Variants in CD81 observed in about 807,000 individuals in gnomAD.
CD81 encodes the protein CD81 antigen.
CD81 carries 10 observed loss-of-function variants against 30.1 expected under a neutral mutation model. That is an observed-to-expected ratio of 0.33 (90% CI 0.21 to 0.56). The LOEUF (loss-of-function observed/expected upper bound fraction) is 0.56, where lower values mean the gene tolerates loss of function less well. Among genes scored for constraint, CD81 ranks in the 20% least tolerant of loss-of-function variants. The pLI, the probability that CD81 is intolerant of heterozygous loss-of-function variation, is 0.89. For missense variants in CD81, 263 were observed against 308.7 expected, an observed-to-expected ratio of 0.85 and a Z score of 1.11; for synonymous variants, 147 against 126.4, an observed-to-expected ratio of 1.16 and a Z score of -1.10.
intron 6 of CD81, chr11:2,396,422 G>A (rs992508533): frequency 9.6e-6 from 6 of 623,858 alleles, no homozygotes; most frequent in African/African-American, 3.7e-5. Context: ...CAGGCATTTC[G>A]CGTTTATGTT....
intron 5 of CD81, 56 bp from the exon 6 acceptor site, chr11:2,395,813 A>G (rs1274402392): frequency 1.3e-5 from 16 of 1,225,804 alleles, no homozygotes; most frequent in Middle Eastern, 1.9e-4. Flanking sequence ...GGTTCCCTAG[A>G]GCCACCGTCC....
chr11:2,389,991 T>G, intron 1 of CD81: 1 of 347,482 alleles, frequency 2.9e-6, no homozygotes, highest in African/African-American at 2.1e-5. Context: ...TCTGGCCAGA[T>G]ACGGAAGGTG....
chr11:2,382,005 TG>T (rs2133443037), intron 1 of CD81, among the ~76,000 whole-genome samples: 1 of 152,314 alleles, frequency 6.6e-6, no homozygotes, highest in East Asian at 1.9e-4. Context: ...CCCCCCAACC[TG>T]GGCTGCAGAG....
chr11:2,380,288 T>C (rs554466404), intron 1 of CD81, among the ~76,000 whole-genome samples: 5 of 152,138 alleles, frequency 3.3e-5, no homozygotes, highest in African/African-American at 1.2e-4. Flanking sequence ...AATGGATATC[T>C]GGGTGGGGCA....
intron 1 of CD81, among the ~76,000 whole-genome samples, chr11:2,383,790 C>T (rs535513363): frequency 1.3e-5 from 2 of 152,376 alleles, no homozygotes; most frequent in South Asian, 4.1e-4. Flanking sequence ...TCGTCCCCCA[C>T]TGGGGTGCCT....
intron 1 of CD81, among the ~76,000 whole-genome samples, chr11:2,388,971 G>C (rs1457371985): frequency 1.3e-5 from 2 of 152,184 alleles, no homozygotes; most frequent in African/African-American, 2.4e-5. Context: ...TCATCTGCCA[G>C]ACCAGATTTT....
intron 5 of CD81, 53 bp downstream of exon 5, chr11:2,395,573 G>C (rs1849984572): frequency 3.6e-6 from 5 of 1,396,872 alleles, no homozygotes; most frequent in Admixed American, 3.4e-5. Flanking sequence ...ACCCGGCGGG[G>C]TGTGTCTCGT....
chr11:2,379,884 C>T (rs989482943), intron 1 of CD81, among the ~76,000 whole-genome samples: 17 of 152,134 alleles, frequency 1.1e-4, no homozygotes, highest in Non-Finnish European at 2.2e-4. Flanking sequence ...TTGGTGGGCA[C>T]CACCCTGGTG....
chr11:2,396,209 A>G (rs1044257170), intron 6 of CD81: 6 of 597,780 alleles, frequency 1.0e-5, no homozygotes, highest in African/African-American at 9.2e-5. Flanking sequence ...GGGGGGTGGG[A>G]ACTCACCTGC....
chr11:2,388,485 T>C (rs2133452687), intron 1 of CD81, among the ~76,000 whole-genome samples: 1 of 152,302 alleles, frequency 6.6e-6, no homozygotes, highest in Non-Finnish European at 1.5e-5. Context: ...GCCAGGGCCA[T>C]TGGAACAGGA....
rs1392179968 is a variant in CD81, at chr11:2,377,646, G to T, written c.66+31G>T. The T allele has an allele frequency of 6.9e-7, 1 of 1,446,844 alleles. No homozygotes were observed. The highest frequency in any genetic ancestry group is 1.9e-5 in the Admixed American group (1 of 51,752). 89.6% of individuals were successfully genotyped at this position (1,446,844 alleles called of 1,614,324 possible). A position where few individuals can be genotyped will look rare whatever the true frequency, so the allele number is the denominator to read the frequency against. On this transcript the variant is annotated intron_variant, in intron 1 of 7. Transcript: ENST00000263645. This position sits in a 1 kb window ranked among gnomAD's most constrained non-coding sequence, Gnocchi z 7.7. ...GGCTGCGCCGGGGGCCGGGGCGGGA[G>T]GGGGCAGGCACACACTCCACGTTGG...
rs577484537 is a variant in CD81, at chr11:2,378,708, C to A, written c.66+1093C>A. ...GCCCCTGGGCATAGACTGCAAGCCC[C>A]TCCCCGTGCCCCCCAGGCTGTCACC... is the stretch of plus-strand genomic sequence containing the variant. On this transcript the variant is annotated intron_variant, in intron 1 of 7. Transcript: ENST00000263645. The surrounding 1 kb of genome is among the most constrained non-coding windows in gnomAD (Gnocchi z 4.9). 6.6e-5 allele frequency among the ~76,000 whole-genome samples: 10 copies of A among 152,218 alleles called. No homozygotes were observed. Among genetic ancestry groups the A allele is most frequent in the Non-Finnish European group, 1.2e-4 (8 of 68,024 alleles).
chr11:2,395,276 G>C (rs1849975578), intron 4 of CD81, 140 bp from the exon 5 acceptor site: 2 of 774,510 alleles, frequency 2.6e-6, no homozygotes, highest in South Asian at 3.0e-5. Context: ...AGAGTGCAGA[G>C]TCCTTGTCCT....
intron 1 of CD81, among the ~76,000 whole-genome samples, chr11:2,388,008 G>T (rs1849826994): frequency 6.6e-6 from 1 of 152,164 alleles, no homozygotes; most frequent in Non-Finnish European, 1.5e-5. Flanking sequence ...GCCCCTTTGG[G>T]GTGAGAGCCC....
At chr11:2,387,851 A>G (rs1331792657) in intron 1 of CD81, among the ~76,000 whole-genome samples, 1 of 152,138 alleles carries the variant, frequency 6.6e-6, no homozygotes, top group East Asian at 1.9e-4. Flanking sequence ...TCGCTAAACC[A>G]AAGTGTGAAA....
In CD81 at chr11:2,397,111, G is replaced by C; in HGVS notation, c.*245G>C. 1.8e-6 allele frequency: 1 copy of C among 556,420 alleles called. No homozygotes were observed. Among genetic ancestry groups the C allele is most frequent in the South Asian group, 2.0e-5 (1 of 49,804 alleles). The allele number at this position is 556,420 out of a possible 1,614,324, so 34.5% of individuals were successfully genotyped here. A position where few individuals can be genotyped will look rare whatever the true frequency, so the allele number is the denominator to read the frequency against. ...GGGTCTTGGGGACTGGAGGGCAGGG[G>C]TCCTTCTGCCCTGGGGTCCCAGGGT... On this transcript the variant is annotated 3_prime_UTR_variant, in exon 8 of 8. Coordinates refer to ENST00000263645, the MANE Select transcript of CD81 (RefSeq NM_004356.4).
In CD81 at chr11:2,397,198, A is replaced by G. The variant is rs1051734494; in HGVS notation, c.*332A>G. 1.7e-5 allele frequency: 7 copies of G among 423,140 alleles called. No homozygotes were observed. Among genetic ancestry groups the G allele is most frequent in the Non-Finnish European group, 3.1e-5 (7 of 226,336 alleles). The allele number at this position is 423,140 out of a possible 1,614,324, so 26.2% of individuals were successfully genotyped here. ...CTCGCCCAGAGACTCAGCTTGGCCA[A>G]CTTGGGGGGCTGTGTCCACCCAGCC... is the stretch of plus-strand genomic sequence containing the variant. On this transcript the variant is annotated 3_prime_UTR_variant, in exon 8 of 8. Transcript: ENST00000263645.
At chr11:2,388,581 C>T (rs1018438751) in intron 1 of CD81, among the ~76,000 whole-genome samples, 3 of 152,196 alleles carry the variant, frequency 2.0e-5, no homozygotes, top group Non-Finnish European at 2.9e-5. Context: ...GTGGTGGGGT[C>T]GGCGCCTGGT....
In CD81 at chr11:2,390,201, G is replaced by T. The variant is rs1849872738; in HGVS notation, c.67-211G>T. 3 of 647,094 alleles carry T rather than the reference G, an allele frequency of 4.6e-6. No individual in the cohort carries two copies. The East Asian group carries it at 8.2e-5, about 18-fold the overall frequency. 40.1% of individuals were successfully genotyped at this position (647,094 alleles called of 1,614,324 possible). A position where few individuals can be genotyped will look rare whatever the true frequency, so the allele number is the denominator to read the frequency against. On this transcript the variant is annotated intron_variant, in intron 1 of 7. Coordinates refer to ENST00000263645, the MANE Select transcript of CD81 (RefSeq NM_004356.4). ...CTCCACAGGTGCAGGGCAGGGCCAG[G>T]CTCCAAGTAGATGGCGGCCAAAGCA...
Sources: gnomAD v4.1 joint callset for allele counts (sites outside exome capture counted in the v4.1 genomes callset) on GRCh38, gnomAD v4.1.1 for gene constraint, Gnocchi (gnomAD v3.1) non-coding constraint, MANE v1.5 for transcripts, NCBI Gene and HGNC (gene_info 2026-07-23, HGNC 2026-07-21) for gene names.